BAZ2B: variants seen among roughly 807,000 people sequenced by gnomAD.
BAZ2B encodes bromodomain adjacent to zinc finger domain protein 2B.
BAZ2B carries 91 observed loss-of-function variants against 246.0 expected under a neutral mutation model. The ratio of observed to expected loss-of-function variants is 0.37; its 90% confidence interval spans 0.31 to 0.44. BAZ2B has a LOEUF of 0.44. BAZ2B is among the 20% of genes least tolerant of loss of function. The probability of loss-of-function intolerance (pLI) is 1.00; values close to 1 mark genes in which losing one functional copy is unlikely to be tolerated. For missense variants in BAZ2B, 2,332 were observed against 2,533.7 expected (o/e 0.92, Z 1.71); for synonymous variants, 855 against 860.0 (o/e 0.99, Z 0.10).
the BAZ2B span, among the ~76,000 whole-genome samples, chr2:159,692,443 C>G: frequency 6.6e-5 from 10 of 152,292 alleles, no homozygotes; most frequent in South Asian, 2.1e-3. Context: ...CAGGCATGAG[C>G]CACCGTGCCT....
intron 2 of BAZ2B, among the ~76,000 whole-genome samples, chr2:159,503,662 C>T (rs911397594): frequency 6.6e-6 from 1 of 152,086 alleles, no homozygotes; most frequent in African/African-American, 2.4e-5. Context: ...TCACTGCAAC[C>T]TCCCCCTCCC....
chr2:159,691,546 T>C, the BAZ2B span, among the ~76,000 whole-genome samples: 17 of 152,202 alleles, frequency 1.1e-4, no homozygotes, highest in Admixed American at 1.1e-3. Context: ...TACAAGATTG[T>C]TTACAGAATT....
chr2:159,443,804 A>G (rs970404332), intron 6 of BAZ2B, among the ~76,000 whole-genome samples: 1 of 152,142 alleles, frequency 6.6e-6, no homozygotes, highest in Non-Finnish European at 1.5e-5. Flanking sequence ...TCTCCTAGTA[A>G]CAGTTTTTAG....
At chr2:159,505,111 G>A (rs1340202500) in intron 2 of BAZ2B, among the ~76,000 whole-genome samples, 1 of 152,146 alleles carries the variant, frequency 6.6e-6, no homozygotes, top group Non-Finnish European at 1.5e-5. Flanking sequence ...GTAAATGGAG[G>A]TAGTCATATA....
intron 1 of BAZ2B, among the ~76,000 whole-genome samples, chr2:159,578,502 A>G (rs1480624915): frequency 6.6e-6 from 1 of 152,222 alleles, no homozygotes; most frequent in East Asian, 1.9e-4. Context: ...AAATGCTTAC[A>G]TTAGACAGAT....
rs758152119 is a variant in BAZ2B at position 159,429,289 on chromosome 2, A to C, written c.2195-29T>G. ...TAAAAAAATTCAATTGGTTAATATA[A>C]AACATTCATTAATATAAATAATAAT... On this transcript the variant is annotated intron_variant, in intron 10 of 36. Coordinates refer to ENST00000392783, the MANE Select transcript of BAZ2B (RefSeq NM_013450.4). 6 of 1,333,410 alleles carry C rather than the reference A, an allele frequency of 4.5e-6. No homozygotes were observed. In the Admixed American group the frequency reaches 1.2e-4, roughly 27 times the overall value. The allele number at this position is 1,333,410 out of a possible 1,614,324, so 82.6% of individuals were successfully genotyped here.
intron 4 of BAZ2B, 101 bp downstream of exon 4, chr2:159,453,512 C>T: frequency 7.8e-7 from 1 of 1,288,230 alleles, no homozygotes; most frequent in Non-Finnish European, 1.0e-6. Flanking sequence ...TTTAAATATA[C>T]CAGGCATTAG....
chr2:159,712,276 G>C, the BAZ2B span: 1 of 152,248 alleles, frequency 6.6e-6, no homozygotes, highest in Non-Finnish European at 1.5e-5. Context: ...CGCCAGCCCA[G>C]CTGCCGGCAC....
At chr2:159,673,384 T>C in the BAZ2B span, among the ~76,000 whole-genome samples, 381 of 152,246 alleles carry the variant, frequency 2.5e-3, 2 homozygotes, top group African/African-American at 8.7e-3. Flanking sequence ...TGTGAGGAAA[T>C]AGGAACTTAA....
At chr2:159,378,329 G>T (rs2149466052) in intron 25 of BAZ2B, among the ~76,000 whole-genome samples, 1 of 152,266 alleles carries the variant, frequency 6.6e-6, no homozygotes, top group Non-Finnish European at 1.5e-5. Flanking sequence ...AATTATTTCT[G>T]CAAGGAATCT....
At chr2:159,332,514 A>C in intron 34 of BAZ2B, 26 bp downstream of exon 34, 3 of 1,565,160 alleles carry the variant, frequency 1.9e-6, no homozygotes, top group Non-Finnish European at 2.6e-6. Flanking sequence ...AATAAAATGA[A>C]AAGTTTAGTT....
At chr2:159,355,701 A>C (rs2059030952) in intron 27 of BAZ2B, among the ~76,000 whole-genome samples, 2 of 152,170 alleles carry the variant, frequency 1.3e-5, no homozygotes, top group Non-Finnish European at 2.9e-5. Flanking sequence ...TCCAGGCAAG[A>C]TGGCTGAATA....
Position 159,432,853 on chromosome 2 carries a change from T to C in BAZ2B, c.1804A>G (p.Lys602Glu). The change falls in exon 9 of 37, where the codon AAA becomes GAA. Residue 602 changes from lysine to glutamate, a missense_variant. By Grantham distance (56) the Lys-to-Glu change is moderately conservative. Around this residue, in one of 9 missense-constraint regions of BAZ2B, gnomAD observed 651 missense variants for 650.9 expected, o/e 1.00. Transcript: ENST00000392783. ...TCCTCATTTGAATCTTCAGAATCTT[T>C]ACTACTGGGAATGTCTGAATCTGTT... ...RGTDSDIPSS[K>E]DSEDSNEDEE... 7 of 1,614,214 alleles carry C rather than the reference T, an allele frequency of 4.3e-6. No homozygotes were observed. The highest frequency in any genetic ancestry group is 5.9e-6 in the Non-Finnish European group (7 of 1,180,030).
intron 18 of BAZ2B, among the ~76,000 whole-genome samples, chr2:159,398,519 AC>A (rs1348422843): frequency 6.6e-6 from 1 of 152,102 alleles, no homozygotes; most frequent in Non-Finnish European, 1.5e-5. Context: ...TAAATAACAC[AC>A]AAAACAGTTT....
Position 159,389,600 on chromosome 2 carries a change from A to AT in BAZ2B, c.3076-116dup, listed in dbSNP as rs1215801811. 500 of 907,290 alleles carry AT rather than the reference A, an allele frequency of 5.5e-4. 4 individuals carry two copies. In the African/African-American group the frequency reaches 7.8e-3, roughly 14 times the overall value. The allele number at this position is 907,290 out of a possible 1,614,324, so 56.2% of individuals were successfully genotyped here. ...TGCTTTTCATTAATCTTACTCTCTA[A>AT]TTTTCAAAATAATCTTATGACTGTA... On this transcript the variant is annotated intron_variant, in intron 20 of 36. Coordinates refer to ENST00000392783, the MANE Select transcript of BAZ2B (RefSeq NM_013450.4).
the BAZ2B span, among the ~76,000 whole-genome samples, chr2:159,634,885 T>TC: frequency 3.7e-4 from 56 of 152,280 alleles, no homozygotes; most frequent in East Asian, 9.7e-3. Context: ...TCTCTCTTTT[T>TC]CCCTCCATAT....
chr2:159,635,591 G>A, the BAZ2B span, among the ~76,000 whole-genome samples: 27 of 151,046 alleles, frequency 1.8e-4, no homozygotes, highest in African/African-American at 6.3e-4. Context: ...GGTTGCTGCT[G>A]GTGAATAATT....
chr2:159,574,852 C>T (rs1578524964), intron 1 of BAZ2B, among the ~76,000 whole-genome samples: 1 of 151,924 alleles, frequency 6.6e-6, no homozygotes. Context: ...CGCCTGTAAT[C>T]CCAGCTACTC....
intron 3 of BAZ2B, among the ~76,000 whole-genome samples, chr2:159,466,543 G>A (rs2077071549): frequency 6.6e-6 from 1 of 152,144 alleles, no homozygotes; most frequent in African/African-American, 2.4e-5. Context: ...TGCTATGGAG[G>A]AAATTATAGC....
Sources: gnomAD v4.1 joint callset for allele counts (sites outside exome capture counted in the v4.1 genomes callset) on GRCh38, gnomAD v4.1.1 for gene constraint, gnomAD v4.1.1 regional missense constraint, MANE v1.5 for transcripts, NCBI Gene and HGNC (gene_info 2026-07-23, HGNC 2026-07-21) for gene names.